Variants in RBFOX1 observed in about 807,000 individuals in gnomAD.
RBFOX1 encodes RNA binding fox-1 homolog 1.
RBFOX1 carries 8 observed loss-of-function variants against 57.7 expected under a neutral mutation model. That is an observed-to-expected ratio of 0.14 (90% CI 0.08 to 0.25). RBFOX1 has a LOEUF of 0.25. Ranked by LOEUF, RBFOX1 falls within the 10% of genes least tolerant of loss-of-function variation. RBFOX1 has a pLI of 1.00. For synonymous variants in RBFOX1, 326 were observed against 222.4 expected, an observed-to-expected ratio of 1.47 and a Z score of -4.15; for missense variants, 611 against 548.5, an observed-to-expected ratio of 1.11 and a Z score of -1.14.
chr16:6,670,882 C>T (rs967129574), intron 3 of RBFOX1, among the ~76,000 whole-genome samples: 13 of 151,990 alleles, frequency 8.6e-5, no homozygotes, highest in Admixed American at 5.9e-4. Context: ...AGCCTGTAGT[C>T]CCAGCTACTT....
intron 4 of RBFOX1, among the ~76,000 whole-genome samples, chr16:7,499,389 A>G (rs2069859746): frequency 6.6e-6 from 1 of 152,162 alleles, no homozygotes; most frequent in Non-Finnish European, 1.5e-5. Flanking sequence ...CCTCATCTTA[A>G]CTAATTACAT....
intron 1 of RBFOX1, among the ~76,000 whole-genome samples, chr16:6,269,663 A>G (rs546930009): frequency 6.6e-6 from 1 of 152,350 alleles, no homozygotes; most frequent in Admixed American, 6.5e-5. Flanking sequence ...TGAAGGAGAA[A>G]TCAAGACATT....
intron 5 of RBFOX1, among the ~76,000 whole-genome samples, chr16:7,527,979 A>G (rs903461038): frequency 6.6e-6 from 1 of 152,232 alleles, no homozygotes; most frequent in Admixed American, 6.5e-5. Context: ...TGATTTATAG[A>G]CAAATGGTTT....
downstream of RBFOX1, among the ~76,000 whole-genome samples, chr16:5,603,730 C>G (rs956685475): frequency 6.6e-6 from 1 of 152,126 alleles, no homozygotes; most frequent in Non-Finnish European, 1.5e-5. Flanking sequence ...ACATACCTGT[C>G]TTTAAACATT....
chr16:5,642,674 T>C (rs1166616202), intron 3 of RBFOX1, among the ~76,000 whole-genome samples: 4 of 152,050 alleles, frequency 2.6e-5, no homozygotes, highest in African/African-American at 9.7e-5. Flanking sequence ...AGCCGATGAA[T>C]GGGGAATTTA....
chr16:6,883,890 C>G lies in RBFOX1; in HGVS notation c.-15-168167C>G, dbSNP rs377665709. 5.9e-5 allele frequency among the ~76,000 whole-genome samples: 9 copies of G among 151,700 alleles called. No homozygotes were observed. The East Asian group carries it at 1.2e-3, about 20-fold the overall frequency. Reference sequence around the variant, plus strand: ...AAATGTTAAATGTTTTTAATAAAAGCTGAGACTTAAGTTAGAGGGGAACAT... The same window carrying G: ...AAATGTTAAATGTTTTTAATAAAAGGTGAGACTTAAGTTAGAGGGGAACAT... On this transcript the variant is annotated intron_variant, in intron 3 of 15. Coordinates refer to ENST00000550418, the MANE Select transcript of RBFOX1 (RefSeq NM_018723.4).
chr16:6,445,780 A>C (rs2094472632), intron 2 of RBFOX1, among the ~76,000 whole-genome samples: 1 of 151,834 alleles, frequency 6.6e-6, no homozygotes, highest in South Asian at 2.1e-4. Flanking sequence ...ACAGGGTTTC[A>C]CCATTTTGGC....
intron 4 of RBFOX1, among the ~76,000 whole-genome samples, chr16:7,056,245 T>C (rs538988101): frequency 6.6e-6 from 1 of 152,246 alleles, no homozygotes; most frequent in African/African-American, 2.4e-5. Context: ...AGAGAACTAT[T>C]GGGATTACTT....
At chr16:7,365,622 G>T (rs1264541812) in intron 4 of RBFOX1, among the ~76,000 whole-genome samples, 1 of 152,200 alleles carries the variant, frequency 6.6e-6, no homozygotes, top group African/African-American at 2.4e-5. Context: ...ACAGAATCTT[G>T]TGCTGATTTA....
chr16:7,025,467 C>T (rs1386379347), intron 3 of RBFOX1, among the ~76,000 whole-genome samples: 1 of 152,166 alleles, frequency 6.6e-6, no homozygotes, highest in Non-Finnish European at 1.5e-5. Context: ...TCTGGGAATG[C>T]ATCCTAGTAG....
intron 3 of RBFOX1, among the ~76,000 whole-genome samples, chr16:6,891,528 T>A (rs1313917517): frequency 2.0e-5 from 3 of 152,048 alleles, no homozygotes; most frequent in African/African-American, 7.2e-5. Flanking sequence ...AACTTCCCAG[T>A]CCTGCCTTAT....
At chr16:7,488,343 A>G (rs1003599733) in intron 4 of RBFOX1, among the ~76,000 whole-genome samples, 7 of 152,180 alleles carry the variant, frequency 4.6e-5, no homozygotes, top group African/African-American at 1.7e-4. Context: ...ATAGCTAGAT[A>G]GTTGGATAGA....
chr16:6,017,062 C>G (rs149872658), upstream of RBFOX1, among the ~76,000 whole-genome samples: 18 of 152,240 alleles, frequency 1.2e-4, no homozygotes, highest in Non-Finnish European at 2.1e-4. Context: ...CAGACTCAAG[C>G]TGAACTTGAT....
intron 3 of RBFOX1, among the ~76,000 whole-genome samples, chr16:6,864,195 A>T (rs1311912107): frequency 6.6e-6 from 1 of 152,090 alleles, no homozygotes; most frequent in Non-Finnish European, 1.5e-5. Context: ...TACATAAATA[A>T]TTCACTTTTT....
chr16:7,480,941 G>A (rs536979898), intron 4 of RBFOX1, among the ~76,000 whole-genome samples: 3 of 152,228 alleles, frequency 2.0e-5, no homozygotes, highest in Admixed American at 6.5e-5. Context: ...TCTGTAGTGC[G>A]AATTACTCAA....
intron 1 of RBFOX1, among the ~76,000 whole-genome samples, chr16:6,100,407 C>T (rs1009082578): frequency 4.6e-5 from 7 of 152,196 alleles, no homozygotes; most frequent in Admixed American, 4.6e-4. Context: ...CGTGATCCGC[C>T]CGCCGCGGCC....
intron 3 of RBFOX1, among the ~76,000 whole-genome samples, chr16:5,625,501 G>A (rs962072000): frequency 1.3e-5 from 2 of 151,714 alleles, no homozygotes; most frequent in African/African-American, 4.8e-5. Context: ...CAAGTTTTGC[G>A]GAGGAGTTTG....
At chr16:7,556,992 T>C (rs1042362392) in intron 5 of RBFOX1, among the ~76,000 whole-genome samples, 1 of 152,226 alleles carries the variant, frequency 6.6e-6, no homozygotes, top group African/African-American at 2.4e-5. Flanking sequence ...CTCCTCATCA[T>C]ATGGATATCA....
At chr16:6,005,187 T>C (rs1178656034) in intron 4 of RBFOX1, among the ~76,000 whole-genome samples, 1 of 152,222 alleles carries the variant, frequency 6.6e-6, no homozygotes, top group East Asian at 1.9e-4. Flanking sequence ...TGCGGAAGTT[T>C]ATATTTCGTT....
Sources: gnomAD v4.1 joint callset for allele counts (sites outside exome capture counted in the v4.1 genomes callset) on GRCh38, gnomAD v4.1.1 for gene constraint, MANE v1.5 for transcripts, NCBI Gene and HGNC (gene_info 2026-07-23, HGNC 2026-07-21) for gene names.